The following FANCA variants were observed in gnomAD, a reference collection of about 807,000 sequenced individuals.
FANCA encodes the protein Fanconi anemia group A protein.
Under a neutral mutation model 194.3 loss-of-function variants are expected in FANCA, and 236 were observed. The observed-to-expected ratio is 1.21, with a 90% CI of 1.09 to 1.35. The LOEUF is 1.35. Among genes scored for constraint, FANCA ranks in the 40% most tolerant of loss-of-function variants. The pLI is 0.00. For missense variants in FANCA, 2,628 were observed against 1,813.9 expected, an observed-to-expected ratio of 1.45 and a Z score of -8.15; for synonymous variants, 1,014 against 715.8, an observed-to-expected ratio of 1.42 and a Z score of -6.65.
intron 19 of FANCA, 38 bp from the exon 20 acceptor site, chr16:89,778,888 G>C (rs781380764): frequency 6.2e-7 from 1 of 1,607,818 alleles, no homozygotes; most frequent in Non-Finnish European, 8.5e-7. Flanking sequence ...GACTGACAAG[G>C]AAAGTCCTTG....
intron 27 of FANCA, among the ~76,000 whole-genome samples, 164 bp from the exon 28 acceptor site, chr16:89,765,230 G>C (rs529686431): frequency 1.3e-5 from 2 of 151,052 alleles, no homozygotes; most frequent in African/African-American, 4.9e-5. Context: ...ACGACCCCAC[G>C]TTCAGGGGAC....
At chr16:89,739,405 G>A (rs925692168) in intron 40 of FANCA, 73 bp downstream of exon 40, 9 of 1,559,162 alleles carry the variant, frequency 5.8e-6, no homozygotes, top group African/African-American at 2.7e-5. Flanking sequence ...CCCATCTGGC[G>A]GGACCCAGAG....
At chr16:89,808,936 C>T (rs1298903273) in intron 5 of FANCA, among the ~76,000 whole-genome samples, 4 of 151,636 alleles carry the variant, frequency 2.6e-5, no homozygotes, top group East Asian at 1.9e-4. Context: ...GACAGAGTCG[C>T]GCTCTGTCAC....
intron 31 of FANCA, among the ~76,000 whole-genome samples, chr16:89,750,323 A>G (rs1241279759): frequency 6.6e-6 from 1 of 152,068 alleles, no homozygotes; most frequent in Admixed American, 6.6e-5. Context: ...CTACTAAAAA[A>G]TACAAAAAAA....
intron 8 of FANCA, among the ~76,000 whole-genome samples, chr16:89,800,168 G>C (rs1381929736): frequency 6.6e-6 from 1 of 152,204 alleles, no homozygotes; most frequent in African/African-American, 2.4e-5. Flanking sequence ...GGGCTGGGCA[G>C]GACACTTTTG....
In FANCA at chr16:89,749,820, T is replaced by G. The variant is rs954683462; in HGVS notation, c.3149A>C (p.Glu1050Ala). 6.2e-7 allele frequency: 1 copy of G among 1,614,048 alleles called. No individual in the cohort carries two copies. Among genetic ancestry groups the G allele is most frequent in the Non-Finnish European group, 8.5e-7 (1 of 1,180,038 alleles). Residue 1050 changes from glutamate (E) to alanine (A), a missense_variant, in exon 32 of 43, where the codon GAG (glutamate) becomes GCG (alanine). Physicochemically the swap from Glu to Ala is moderately radical, Grantham distance 107. Transcript: ENST00000389301. ...AGCCTGGAGCCGTCTGCGGAAAATC[T>G]CAAAGAGGAAGTGCTCCTGGGAAGG... The part of the protein sequence containing the change: ...HTPSQEHFLF[E>A]IFRRRLQALT...
intron 38 of FANCA, chr16:89,740,506 C>CA (rs1405666660): frequency 1.2e-5 from 6 of 489,148 alleles, no homozygotes; most frequent in East Asian, 3.7e-5. Context: ...GTGACAGACT[C>CA]ACGCCTGTAA....
chr16:89,763,319 C>T (rs540028285), intron 28 of FANCA, among the ~76,000 whole-genome samples: 1 of 151,902 alleles, frequency 6.6e-6, no homozygotes, highest in South Asian at 2.1e-4. Context: ...CTCACACTTG[C>T]AATCTCAACA....
At position 89,807,183 on chromosome 16, in the gene FANCA, T is replaced by C. The variant is rs1186970844; in HGVS notation, c.596+1111A>G. Among the ~76,000 whole-genome samples the C allele has an allele frequency of 4.0e-5, 6 of 151,142 alleles. No individual in the cohort carries two copies. The East Asian group carries it at 1.2e-3, about 29-fold the overall frequency. On this transcript the variant is annotated intron_variant, in intron 6 of 42. Transcript: ENST00000389301. ...GTGTATATCCTAGGAAGCAGGTTTT[T>C]CTTTTTTTTTTTTTTTTTGAGATGA...
chr16:89,778,751 G>C lies in FANCA; in HGVS notation c.1826+50C>G, dbSNP rs1194332375. 7 of 1,542,764 alleles carry C rather than the reference G, an allele frequency of 4.5e-6. No homozygotes were observed. The Admixed American group carries it at 1.0e-4, about 22-fold the overall frequency. On this transcript the variant is annotated intron_variant, in intron 20 of 42. Transcript: ENST00000389301. ...CAGAAGATCCACAATTCTTCGCATTGTCAGAAGAAACCTGGAAGTAGTCAT... is the reference window on the plus strand; with the variant it reads ...CAGAAGATCCACAATTCTTCGCATTCTCAGAAGAAACCTGGAAGTAGTCAT...
intron 26 of FANCA, among the ~76,000 whole-genome samples, chr16:89,768,898 C>T (rs2039220917): frequency 1.4e-5 from 2 of 139,736 alleles, no homozygotes; most frequent in Non-Finnish European, 3.0e-5. Context: ...GGCTGTGTGC[C>T]TCTCATGCCA....
chr16:89,776,658 T>C (rs910389608), intron 20 of FANCA, among the ~76,000 whole-genome samples: 17 of 151,126 alleles, frequency 1.1e-4, no homozygotes, highest in African/African-American at 4.1e-4. Flanking sequence ...AAACCCTGTG[T>C]CTACTAAAAA....
rs2039282070 is a variant in FANCA, at chr16:89,770,354, C to A, written c.2223-95G>T. 1.2e-5 allele frequency: 15 copies of A among 1,212,706 alleles called. No individual in the cohort carries two copies. In the East Asian group the frequency reaches 2.3e-4, roughly 18 times the overall value. 75.1% of individuals were successfully genotyped at this position (1,212,706 alleles called of 1,614,324 possible). A position where few individuals can be genotyped will look rare whatever the true frequency, so the allele number is the denominator to read the frequency against. ...AACCACCAGCGGCCGAAGAAAGAGC[C>A]AAGCTGTTCCCCAAAACAGTGGTCT... On this transcript the variant is annotated intron_variant, in intron 24 of 42. Coordinates refer to ENST00000389301, the MANE Select transcript of FANCA (RefSeq NM_000135.4).
chr16:89,812,666 A>AAAAAAAAAAC (rs1256354674), intron 3 of FANCA, among the ~76,000 whole-genome samples: 61 of 147,854 alleles, frequency 4.1e-4, no homozygotes, highest in African/African-American at 1.3e-3. Context: ...AAAAAAAAAA[A>AAAAAAAAAAC]AAAACTGTTA....
intron 35 of FANCA, among the ~76,000 whole-genome samples, chr16:89,745,579 A>G (rs5000707): frequency 0.017 from 873 of 50,218 alleles, 8 homozygotes; most frequent in East Asian, 0.17. Context: ...AGCTGGGAAC[A>G]AAACAGTGAA....
At chr16:89,797,792 G>C (rs557770150) in intron 10 of FANCA, among the ~76,000 whole-genome samples, 6 of 152,220 alleles carry the variant, frequency 3.9e-5, no homozygotes, top group African/African-American at 1.4e-4. Context: ...CTACTCAGGA[G>C]GCTGAGGCAG....
At chr16:89,750,707 A>G (rs1471404784) in intron 31 of FANCA, among the ~76,000 whole-genome samples, 1 of 152,102 alleles carries the variant, frequency 6.6e-6, no homozygotes, top group Non-Finnish European at 1.5e-5. Flanking sequence ...CGGGAGGTAG[A>G]GGCTGCAGTG....
At chr16:89,815,652 G>A (rs991720869) in intron 2 of FANCA, among the ~76,000 whole-genome samples, 3 of 152,054 alleles carry the variant, frequency 2.0e-5, no homozygotes, top group African/African-American at 4.8e-5. Context: ...CACGGCGCCC[G>A]GCCTGTTTTT....
At chr16:89,756,081 T>C (rs2038758596) in intron 30 of FANCA, among the ~76,000 whole-genome samples, 1 of 152,074 alleles carries the variant, frequency 6.6e-6, no homozygotes, top group Non-Finnish European at 1.5e-5. Flanking sequence ...AAAAACACAG[T>C]TTAAAAAAAA....
Sources: gnomAD v4.1 joint callset for allele counts (sites outside exome capture counted in the v4.1 genomes callset) on GRCh38, gnomAD v4.1.1 for gene constraint, MANE v1.5 for transcripts, NCBI Gene and HGNC (gene_info 2026-07-23, HGNC 2026-07-21) for gene names.